The following MAD1L1 variants were observed in gnomAD, a reference collection of about 807,000 sequenced individuals.
The protein encoded by MAD1L1 is mitotic spindle assembly checkpoint protein MAD1.
Under a neutral mutation model 96.9 loss-of-function variants are expected in MAD1L1, and 95 were observed. The ratio of observed to expected loss-of-function variants is 0.98; its 90% confidence interval spans 0.83 to 1.16. The LOEUF (loss-of-function observed/expected upper bound fraction) is 1.16. Among genes scored for constraint, MAD1L1 ranks in the 50% most tolerant of loss-of-function variants. The probability of loss-of-function intolerance (pLI) is 0.00; values close to 1 mark genes in which losing one functional copy is unlikely to be tolerated. For missense variants in MAD1L1, 1,007 were observed against 954.4 expected, an observed-to-expected ratio of 1.06 and a Z score of -0.73; for synonymous variants, 473 against 396.6, an observed-to-expected ratio of 1.19 and a Z score of -2.29.
intron 10 of MAD1L1, among the ~76,000 whole-genome samples, chr7:2,182,089 T>A (rs751113977): frequency 6.6e-6 from 1 of 152,020 alleles, no homozygotes; most frequent in Non-Finnish European, 1.5e-5. Context: ...AGCTTTTCCA[T>A]GCAATCAAAC....
At chr7:2,074,233 G>A (rs1785273318) in intron 11 of MAD1L1, among the ~76,000 whole-genome samples, 1 of 152,166 alleles carries the variant, frequency 6.6e-6, no homozygotes, top group Admixed American at 6.5e-5. Flanking sequence ...GGAATCTCAA[G>A]CAAAGAAGCC....
At chr7:2,121,419 C>A (rs1000923954) in intron 11 of MAD1L1, among the ~76,000 whole-genome samples, 12 of 152,212 alleles carry the variant, frequency 7.9e-5, no homozygotes, top group South Asian at 2.1e-4. Context: ...GCCTCCCGGG[C>A]AGTGGCAGGC....
chr7:1,888,833 G>C (rs1786354474), intron 18 of MAD1L1, among the ~76,000 whole-genome samples: 1 of 152,234 alleles, frequency 6.6e-6, no homozygotes. Context: ...GCATGTATTT[G>C]TGTCCATGTG....
intron 11 of MAD1L1, among the ~76,000 whole-genome samples, chr7:2,135,170 A>G (rs1788692945): frequency 6.6e-6 from 1 of 152,236 alleles, no homozygotes. Flanking sequence ...CCCACCCAGC[A>G]GGCAAGGCTG....
intron 3 of MAD1L1, among the ~76,000 whole-genome samples, chr7:2,228,963 G>C (rs1794056682): frequency 6.6e-6 from 1 of 151,954 alleles, no homozygotes; most frequent in Non-Finnish European, 1.5e-5. Flanking sequence ...TTGATCTCCT[G>C]ACCTCATGAT....
intron 18 of MAD1L1, among the ~76,000 whole-genome samples, chr7:1,840,459 G>C (rs1783189451): frequency 2.6e-5 from 4 of 152,184 alleles, no homozygotes; most frequent in Admixed American, 2.6e-4. Flanking sequence ...GCCAGGCGTG[G>C]TGGCTCACAC....
intron 13 of MAD1L1, among the ~76,000 whole-genome samples, chr7:2,013,915 T>G (rs567113266): frequency 2.4e-4 from 37 of 152,260 alleles, no homozygotes; most frequent in African/African-American, 8.7e-4. Flanking sequence ...AGCGTCACGG[T>G]GGCCCATGGG....
intron 18 of MAD1L1, among the ~76,000 whole-genome samples, chr7:1,881,883 T>C (rs1349854999): frequency 1.3e-5 from 2 of 152,212 alleles, no homozygotes; most frequent in Non-Finnish European, 2.9e-5. Context: ...AGGAATTCTC[T>C]ATGCGGATAT....
intron 17 of MAD1L1, among the ~76,000 whole-genome samples, chr7:1,915,107 A>G (rs1788289751): frequency 6.6e-6 from 1 of 152,180 alleles, no homozygotes; most frequent in Non-Finnish European, 1.5e-5. Context: ...CTGCTCAGCT[A>G]TTCATTCACC....
chr7:2,025,413 T>C (rs1782954924), intron 12 of MAD1L1, among the ~76,000 whole-genome samples: 2 of 152,204 alleles, frequency 1.3e-5, no homozygotes, highest in Admixed American at 6.6e-5. Flanking sequence ...GGCTGGTGGA[T>C]AGGACAGGCA....
chr7:2,092,107 G>A (rs1463844328), intron 11 of MAD1L1, among the ~76,000 whole-genome samples: 1 of 152,172 alleles, frequency 6.6e-6, no homozygotes, highest in Non-Finnish European at 1.5e-5. Flanking sequence ...CCTCCCAGCA[G>A]TGCGTGAGAG....
At chr7:1,834,370 A>G (rs1162483545) in intron 18 of MAD1L1, among the ~76,000 whole-genome samples, 3 of 152,244 alleles carry the variant, frequency 2.0e-5, no homozygotes, top group Admixed American at 2.0e-4. Context: ...AATAAAACCC[A>G]AAGCTGTTTC....
At chr7:1,858,147 A>G (rs1161301519) in intron 18 of MAD1L1, among the ~76,000 whole-genome samples, 1 of 152,226 alleles carries the variant, frequency 6.6e-6, no homozygotes, top group African/African-American at 2.4e-5. Context: ...GCTTTTCCTC[A>G]GCACGGGCTC....
intron 17 of MAD1L1, among the ~76,000 whole-genome samples, chr7:1,917,361 C>T (rs1232336063): frequency 1.3e-5 from 2 of 152,210 alleles, no homozygotes; most frequent in Non-Finnish European, 2.9e-5. Context: ...AGGGGCCACA[C>T]CCCTGACCAG....
chr7:2,220,417 G>A (rs1294771490), intron 5 of MAD1L1, among the ~76,000 whole-genome samples: 3 of 152,250 alleles, frequency 2.0e-5, no homozygotes, highest in African/African-American at 7.2e-5. Flanking sequence ...AACCCCAGGT[G>A]TCCTCAGAGA....
chr7:2,124,334 G>A (rs773940003), intron 11 of MAD1L1, among the ~76,000 whole-genome samples: 7 of 152,230 alleles, frequency 4.6e-5, no homozygotes, highest in Non-Finnish European at 8.8e-5. Flanking sequence ...ACAGACACGG[G>A]GGTGTGGAAC....
chr7:1,967,647 G>A (rs534115285), intron 15 of MAD1L1, among the ~76,000 whole-genome samples: 49 of 152,328 alleles, frequency 3.2e-4, no homozygotes, highest in African/African-American at 8.9e-4. Flanking sequence ...CTGGAGGAAC[G>A]GATGATTGGA....
At chr7:1,824,472 G>A (rs574967241) in intron 18 of MAD1L1, among the ~76,000 whole-genome samples, 2 of 152,304 alleles carry the variant, frequency 1.3e-5, no homozygotes, top group South Asian at 4.1e-4. Flanking sequence ...CTGTGCCCAC[G>A]TTACCCCGGG....
At chr7:1,929,755 C>T (rs1789329123) in intron 17 of MAD1L1, among the ~76,000 whole-genome samples, 1 of 142,560 alleles carries the variant, frequency 7.0e-6, no homozygotes, top group Admixed American at 7.8e-5. Flanking sequence ...GCCCCGTCCC[C>T]ACTGCCACGT....
Sources: allele counts gnomAD v4.1 joint callset (sites outside exome capture counted in the v4.1 genomes callset), GRCh38; gene constraint gnomAD v4.1.1; transcripts MANE v1.5; gene names NCBI Gene and HGNC (gene_info 2026-07-23, HGNC 2026-07-21).